RABGEF1: variants seen among roughly 807,000 people sequenced by gnomAD.
The protein encoded by RABGEF1 is RAB guanine nucleotide exchange factor 1, also known as rab5 GDP/GTP exchange factor.
Under a neutral mutation model 57.3 loss-of-function variants are expected in RABGEF1, and 26 were observed. That is an observed-to-expected ratio of 0.45 (90% CI 0.33 to 0.63). The LOEUF is 0.63. Ranked by LOEUF, RABGEF1 falls within the 20% of genes least tolerant of loss-of-function variation. The pLI is 0.02. For synonymous variants in RABGEF1, 185 were observed against 210.7 expected, an observed-to-expected ratio of 0.88 and a Z score of 1.06; for missense variants, 464 against 607.6, an observed-to-expected ratio of 0.76 and a Z score of 2.48.
chr7:66,691,758 A>G (rs933854378), intron 1 of RABGEF1, among the ~76,000 whole-genome samples: 4 of 152,168 alleles, frequency 2.6e-5, no homozygotes, highest in African/African-American at 9.7e-5. Context: ...CATGTTTAAG[A>G]CAGGCTAAGC....
chr7:66,684,837 A>G (rs1790354990), intron 1 of RABGEF1, among the ~76,000 whole-genome samples: 1 of 151,944 alleles, frequency 6.6e-6, no homozygotes, highest in East Asian at 1.9e-4. Context: ...GGGTTTCACC[A>G]TGTTAGCCAG....
At chr7:66,736,608 T>TTGGCAGGTGATGAGGGTG (rs533036419), upstream of RABGEF1, among the ~76,000 whole-genome samples, 91 of 152,250 alleles carry the variant, frequency 6.0e-4, 1 homozygote, top group South Asian at 0.012. Context: ...TGGGTAGGAC[T>TTGGCAGGTGATGAGGGTG]TGGCAGGTGA....
Position 66,809,403 on chromosome 7 carries a change from G to A in RABGEF1, c.*119G>A. 2.5e-6 allele frequency: 3 copies of A among 1,178,770 alleles called. No homozygotes were observed. The South Asian group carries it at 4.8e-5, about 19-fold the overall frequency. The allele number at this position is 1,178,770 out of a possible 1,614,324, so 73.0% of individuals were successfully genotyped here. On this transcript the variant is annotated 3_prime_UTR_variant, in exon 9 of 9. Transcript: ENST00000284957. ...TTATAAATGTCAGCATTTTTTAAAG[G>A]TACAGTATATGGGGATTGTTTCGTT...
At chr7:66,663,977 G>A in the RABGEF1 span, among the ~76,000 whole-genome samples, 1 of 151,912 alleles carries the variant, frequency 6.6e-6, no homozygotes, top group African/African-American at 2.4e-5. Context: ...GGGAAGCTGA[G>A]GTGGGAGAAT....
At chr7:66,784,252 T>C (rs970582715) in intron 4 of RABGEF1, among the ~76,000 whole-genome samples, 2 of 152,224 alleles carry the variant, frequency 1.3e-5, no homozygotes, top group African/African-American at 2.4e-5. Flanking sequence ...ATTTTGAATT[T>C]TTTCATTCAG....
At chr7:66,795,295 C>T (rs186216033) in intron 4 of RABGEF1, among the ~76,000 whole-genome samples, 39 of 152,266 alleles carry the variant, frequency 2.6e-4, no homozygotes, top group African/African-American at 8.2e-4. Flanking sequence ...ACAAGGATCC[C>T]GTCTTTAGCT....
chr7:66,657,736 G>T, the RABGEF1 span, among the ~76,000 whole-genome samples: 1 of 152,040 alleles, frequency 6.6e-6, no homozygotes, highest in Non-Finnish European at 1.5e-5. Flanking sequence ...CAGGAGAATC[G>T]CTTGAACCTG....
intron 2 of RABGEF1, among the ~76,000 whole-genome samples, chr7:66,722,710 G>GT (rs1279751766): frequency 6.6e-6 from 1 of 152,162 alleles, no homozygotes; most frequent in Non-Finnish European, 1.5e-5. Context: ...CAGGTTTGTA[G>GT]TAAGTTTTAA....
chr7:66,685,098 G>C (rs1324567045), intron 1 of RABGEF1, among the ~76,000 whole-genome samples: 2 of 151,888 alleles, frequency 1.3e-5, no homozygotes, highest in East Asian at 3.9e-4. Context: ...CTTACGTACA[G>C]GCTGCTATAT....
chr7:66,697,525 G>A (rs1301663958), intron 1 of RABGEF1, among the ~76,000 whole-genome samples: 3 of 152,034 alleles, frequency 2.0e-5, no homozygotes, highest in Non-Finnish European at 4.4e-5. Flanking sequence ...CTCTGGGCAC[G>A]GCCAGCCTCG....
At chr7:66,704,607 G>A (rs62466140) in intron 1 of RABGEF1, among the ~76,000 whole-genome samples, 5,992 of 151,886 alleles carry the variant, frequency 0.039, 167 homozygotes, top group East Asian at 0.086. Flanking sequence ...TCAGGAGATC[G>A]AGACCATCCT....
At chr7:66,695,976 AT>A (rs1242023028) in intron 1 of RABGEF1, among the ~76,000 whole-genome samples, 3 of 149,420 alleles carry the variant, frequency 2.0e-5, no homozygotes, top group African/African-American at 7.4e-5. Context: ...AAAAAAAAAA[AT>A]AAAGTGTAGA....
In RABGEF1 at chr7:66,805,336, G is replaced by A. The variant is rs753077071; in HGVS notation, c.1017G>A (p.Thr339=). 5.0e-5 allele frequency: 80 copies of A among 1,614,040 alleles called. No individual in the cohort carries two copies. The East Asian group carries it at 5.6e-4, about 11-fold the overall frequency. Residue 339 remains threonine (T), a synonymous_variant, in exon 8 of 9, where the codon ACG becomes ACA. Transcript: ENST00000284957. ...TTCAGTCTAATATCCAGTATATCAC[G>A]CGCTTCTGCAATCCAAGCCGACTGA... The part of the protein sequence containing the change: ...PRLQSNIQYI[T]RFCNPSRLMT...
At chr7:66,715,745 A>T (rs1195022531) in intron 2 of RABGEF1, among the ~76,000 whole-genome samples, 1 of 151,932 alleles carries the variant, frequency 6.6e-6, no homozygotes, top group Non-Finnish European at 1.5e-5. Context: ...TGAATGTTCT[A>T]TATGCTTTTT....
At chr7:66,755,801 T>C (rs773828504) in intron 1 of RABGEF1, 12 of 359,642 alleles carry the variant, frequency 3.3e-5, no homozygotes, top group Non-Finnish European at 6.0e-5. Flanking sequence ...TAGAACTCAT[T>C]CCTTGAGAAT....
chr7:66,729,458 C>A (rs1797055215), intron 2 of RABGEF1, among the ~76,000 whole-genome samples: 1 of 152,272 alleles, frequency 6.6e-6, no homozygotes, highest in African/African-American at 2.4e-5. Context: ...AACCTCACTT[C>A]TGTCCTCCCC....
the RABGEF1 span, among the ~76,000 whole-genome samples, chr7:66,657,215 T>A: frequency 6.6e-6 from 1 of 152,228 alleles, no homozygotes; most frequent in Admixed American, 6.5e-5. Flanking sequence ...GCGTGTGGGA[T>A]ATTGTCCAGA....
chr7:66,655,638 G>A, the RABGEF1 span, among the ~76,000 whole-genome samples: 1 of 152,112 alleles, frequency 6.6e-6, no homozygotes, highest in Non-Finnish European at 1.5e-5. Flanking sequence ...CCAGAGTGCT[G>A]GGATTATAGG....
intron 2 of RABGEF1, among the ~76,000 whole-genome samples, chr7:66,723,805 C>T (rs1167761861): frequency 7.0e-6 from 1 of 142,490 alleles, no homozygotes; most frequent in African/African-American, 2.5e-5. Context: ...GTCTCGAACT[C>T]CTGACCTCAG....
Sources: gnomAD v4.1 joint callset for allele counts (sites outside exome capture counted in the v4.1 genomes callset) on GRCh38, gnomAD v4.1.1 for gene constraint, MANE v1.5 for transcripts, NCBI Gene and HGNC (gene_info 2026-07-23, HGNC 2026-07-21) for gene names.